The following RASA3 variants were observed in gnomAD, a reference collection of about 807,000 sequenced individuals.
RASA3 encodes ras GTPase-activating protein 3.
In RASA3, 73 loss-of-function variants were observed where a neutral mutation model predicts 110.0. That is an observed-to-expected ratio of 0.66 (90% CI 0.55 to 0.81). The LOEUF is 0.81. Ranked by LOEUF, RASA3 falls within the 30% of genes least tolerant of loss-of-function variation. The pLI is 0.00. For missense variants in RASA3, 976 were observed against 1,113.2 expected (o/e 0.88, Z 1.75); for synonymous variants, 500 against 451.4 (o/e 1.11, Z -1.37).
intron 1 of RASA3, among the ~76,000 whole-genome samples, chr13:114,125,175 G>C (rs758035895): frequency 2.0e-5 from 3 of 152,170 alleles, no homozygotes; most frequent in Admixed American, 6.5e-5. Context: ...TATGTTCCTT[G>C]AAAGCCACAG....
At chr13:114,058,866 A>C (rs1171470717) in intron 2 of RASA3, among the ~76,000 whole-genome samples, 1 of 152,236 alleles carries the variant, frequency 6.6e-6, no homozygotes, top group East Asian at 1.9e-4. Flanking sequence ...GTTGAAGGCC[A>C]GAGCCTTTTT....
intron 2 of RASA3, among the ~76,000 whole-genome samples, chr13:114,059,062 G>C (rs2079294058): frequency 6.6e-6 from 1 of 152,216 alleles, no homozygotes; most frequent in Non-Finnish European, 1.5e-5. Context: ...GATGGGTTTG[G>C]TGGCGCACGT....
intron 1 of RASA3, among the ~76,000 whole-genome samples, chr13:114,101,970 G>T (rs1411864245): frequency 6.6e-6 from 1 of 152,186 alleles, no homozygotes; most frequent in Non-Finnish European, 1.5e-5. Flanking sequence ...GGGAGCGGGG[G>T]TCTCAGTTTC....
intron 2 of RASA3, among the ~76,000 whole-genome samples, chr13:114,059,547 ATC>A (rs1391688703): frequency 6.6e-6 from 1 of 152,196 alleles, no homozygotes; most frequent in Non-Finnish European, 1.5e-5. Context: ...CAGTTCCCTC[ATC>A]TCTCAGCCTC....
chr13:113,979,417 T>A lies in RASA3; in HGVS notation c.2435A>T (p.His812Leu). The A allele has an allele frequency of 1.3e-6, 2 of 1,598,892 alleles. No homozygotes were observed. The highest frequency in any genetic ancestry group is 1.7e-6 in the Non-Finnish European group (2 of 1,166,460). Residue 812 changes from histidine to leucine, a missense_variant, in exon 24 of 24, where the codon CAC becomes CTC. His to Leu is a moderately conservative substitution (Grantham distance 99). Transcript: ENST00000334062. ...FKKTKYGSQE[H>L]PIGDKSFQNY... ...CTGGAAGCTCTTGTCTCCGATGGGG[T>A]GCTCCCTGAAAAGGGGGATGGGAGA...
At chr13:114,072,826 C>T (rs570752925) in intron 2 of RASA3, among the ~76,000 whole-genome samples, 10 of 152,304 alleles carry the variant, frequency 6.6e-5, no homozygotes, top group Admixed American at 2.6e-4. Flanking sequence ...ATTCTCTACA[C>T]GCGGGAAAAT....
At chr13:114,099,983 A>G (rs1016079489) in intron 1 of RASA3, among the ~76,000 whole-genome samples, 1 of 87,678 alleles carries the variant, frequency 1.1e-5, no homozygotes, top group African/African-American at 4.8e-5. Flanking sequence ...TCACACGCAC[A>G]GTTTTATCTC....
chr13:114,073,152 G>GA (rs1447229291), intron 2 of RASA3, among the ~76,000 whole-genome samples: 1 of 150,890 alleles, frequency 6.6e-6, no homozygotes, highest in African/African-American at 2.4e-5. Flanking sequence ...ACATGCTTGG[G>GA]ACACTGTCTA....
rs200079772 is a variant in RASA3 at position 114,073,715 on chromosome 13, A to G, written c.173+5T>C. 1 of 1,605,862 alleles carries G rather than the reference A, an allele frequency of 6.2e-7. No individual in the cohort carries two copies. The highest frequency in any genetic ancestry group is 1.7e-4 in the Middle Eastern group (1 of 6,050). The stretch of plus-strand genomic sequence containing the variant: ...AGTGCCAAGTAAAGCAACAGAAGAC[A>G]TTACCAGAGTGACTTTTCCACAATT... On this transcript the variant is annotated splice_donor_5th_base_variant and intron_variant, in intron 2 of 23. Transcript: ENST00000334062.
intron 21 of RASA3, among the ~76,000 whole-genome samples, chr13:113,996,315 C>T (rs1235390054): frequency 6.6e-6 from 1 of 152,196 alleles, no homozygotes; most frequent in Non-Finnish European, 1.5e-5. Context: ...GCCTGTGGCA[C>T]CCTGGAGTCT....
At chr13:114,049,318 C>T (rs987545322) in intron 3 of RASA3, among the ~76,000 whole-genome samples, 2 of 152,082 alleles carry the variant, frequency 1.3e-5, no homozygotes, top group Admixed American at 6.6e-5. Context: ...AAATCGTTAC[C>T]GGAGATCCAG....
At chr13:114,098,712 G>A (rs2079979782) in intron 1 of RASA3, among the ~76,000 whole-genome samples, 1 of 152,104 alleles carries the variant, frequency 6.6e-6, no homozygotes, top group Non-Finnish European at 1.5e-5. Flanking sequence ...AGGGAAGAAG[G>A]AACCCCGTGG....
chr13:114,091,313 T>C (rs1049829166), intron 1 of RASA3, among the ~76,000 whole-genome samples: 5 of 151,770 alleles, frequency 3.3e-5, no homozygotes, highest in Non-Finnish European at 7.4e-5. Flanking sequence ...AGTGGAAAGG[T>C]TTCTGAGCTT....
At chr13:114,042,825 C>A (rs2054442183) in intron 3 of RASA3, among the ~76,000 whole-genome samples, 1 of 152,256 alleles carries the variant, frequency 6.6e-6, no homozygotes, top group Non-Finnish European at 1.5e-5. Context: ...CACTCCACTG[C>A]CAGCCTCTCA....
chr13:114,129,561 C>A (rs539158885), intron 1 of RASA3, among the ~76,000 whole-genome samples: 1 of 152,298 alleles, frequency 6.6e-6, no homozygotes, highest in Non-Finnish European at 1.5e-5. Flanking sequence ...GCCAATGCCC[C>A]TATACCTTAA....
At chr13:114,062,349 C>T (rs2139618141) in intron 2 of RASA3, among the ~76,000 whole-genome samples, 1 of 152,068 alleles carries the variant, frequency 6.6e-6, no homozygotes, top group Non-Finnish European at 1.5e-5. Context: ...GAAAATCAGA[C>T]CCACCGGGAT....
In RASA3 at chr13:114,013,741, GCTCTCTCT is replaced by G. The variant is rs68147196; in HGVS notation, c.1406-501_1406-494del. ...CTCTCTCTCCGTCCGTCTGTCTCTG[GCTCTCTCT>G]CTCTCTCTCCATCTCTCTGTCTCTC... On this transcript the variant is annotated intron_variant, in intron 14 of 23. Coordinates refer to ENST00000334062, the MANE Select transcript of RASA3 (RefSeq NM_007368.4). 1.2e-3 allele frequency among the ~76,000 whole-genome samples: 108 copies of G among 93,546 alleles called. 1 individual carries two copies. The highest frequency in any genetic ancestry group is 6.8e-3 in the East Asian group (19 of 2,806). 61.4% of individuals were successfully genotyped at this position (93,546 alleles called of 152,430 possible).
At chr13:114,030,404 A>G (rs2054129265) in intron 4 of RASA3, among the ~76,000 whole-genome samples, 1 of 68,458 alleles carries the variant, frequency 1.5e-5, no homozygotes, top group Non-Finnish European at 3.4e-5. Flanking sequence ...GGCAAGACTC[A>G]CGCAGAGAGC....
chr13:114,036,527 T>G (rs932127528), intron 4 of RASA3, among the ~76,000 whole-genome samples: 13 of 151,716 alleles, frequency 8.6e-5, no homozygotes, highest in African/African-American at 2.9e-4. Flanking sequence ...AGTTGTGGGG[T>G]TTTTTTTCTT....
Sources: allele counts gnomAD v4.1 joint callset (sites outside exome capture counted in the v4.1 genomes callset), GRCh38; gene constraint gnomAD v4.1.1; transcripts MANE v1.5; gene names NCBI Gene and HGNC (gene_info 2026-07-23, HGNC 2026-07-21).